The following ATP2B2 variants were observed in gnomAD, a reference collection of about 807,000 sequenced individuals.
ATP2B2 encodes ATPase plasma membrane Ca2+ transporting 2.
Under a neutral mutation model 120.0 loss-of-function variants are expected in ATP2B2, and 15 were observed. The observed-to-expected ratio is 0.12, with a 90% confidence interval of 0.08 to 0.19. The LOEUF (loss-of-function observed/expected upper bound fraction) is 0.19. Ranked by LOEUF, ATP2B2 falls within the 10% of genes least tolerant of loss-of-function variation. The pLI is 1.00. For missense variants in ATP2B2, 1,045 were observed against 1,719.8 expected, an observed-to-expected ratio of 0.61 and a Z score of 6.94; for synonymous variants, 694 against 700.3, an observed-to-expected ratio of 0.99 and a Z score of 0.14.
intron 8 of ATP2B2, among the ~76,000 whole-genome samples, chr3:10,383,048 C>CT (rs1289882858): frequency 2.7e-5 from 4 of 148,592 alleles, no homozygotes; most frequent in South Asian, 2.2e-4. Flanking sequence ...TTCTGCATTT[C>CT]TTTTTTTTTA....
intron 3 of ATP2B2, among the ~76,000 whole-genome samples, chr3:10,530,145 C>T (rs564573238): frequency 1.7e-4 from 26 of 152,134 alleles, no homozygotes; most frequent in Non-Finnish European, 2.8e-4. Flanking sequence ...TGAGAGCGAC[C>T]GACACAGTCC....
At chr3:10,558,594 C>G (rs1355331618) in intron 2 of ATP2B2, among the ~76,000 whole-genome samples, 1 of 152,076 alleles carries the variant, frequency 6.6e-6, no homozygotes, top group Admixed American at 6.6e-5. Context: ...TCCAGCTGTG[C>G]CTGAAGCCTG....
At chr3:10,547,623 G>A (rs2067579333) in intron 2 of ATP2B2, among the ~76,000 whole-genome samples, 1 of 152,182 alleles carries the variant, frequency 6.6e-6, no homozygotes, top group Non-Finnish European at 1.5e-5. Context: ...GGCCCAGAGA[G>A]GGAGAGAGAG....
intron 2 of ATP2B2, among the ~76,000 whole-genome samples, chr3:10,557,591 A>G (rs2067809314): frequency 1.3e-5 from 2 of 152,174 alleles, no homozygotes; most frequent in South Asian, 4.1e-4. Flanking sequence ...GGAACAGAGG[A>G]GAAACGGACT....
At chr3:10,357,844 CA>C (rs897264683) in intron 14 of ATP2B2, among the ~76,000 whole-genome samples, 184 of 152,324 alleles carry the variant, frequency 1.2e-3, no homozygotes, top group African/African-American at 4.3e-3. Context: ...AGATTCAGGA[CA>C]GCTTCCTCTG....
intron 2 of ATP2B2, among the ~76,000 whole-genome samples, chr3:10,551,239 A>T (rs1203550079): frequency 6.6e-6 from 1 of 152,256 alleles, no homozygotes; most frequent in Non-Finnish European, 1.5e-5. Flanking sequence ...GGACAGTTAG[A>T]GTACCTGATG....
At chr3:10,652,137 CCTT>C (rs2125667684) in intron 1 of ATP2B2, among the ~76,000 whole-genome samples, 1 of 152,192 alleles carries the variant, frequency 6.6e-6, no homozygotes, top group East Asian at 1.9e-4. Flanking sequence ...AATAAATAGG[CCTT>C]CTTCTGCCCA....
At position 10,422,922 on chromosome 3, in the gene ATP2B2, T is replaced by G. The variant is rs553708711; in HGVS notation, c.200-12107A>C. On this transcript the variant is annotated intron_variant, in intron 2 of 22. Coordinates refer to ENST00000360273, the MANE Select transcript of ATP2B2 (RefSeq NM_001001331.4). ...TCTCTCCACTGTGGGAATTCTTTAC[T>G]AAACTTCTCCACTCAGGGCTCCAGA... Among the ~76,000 whole-genome samples, 7 of 152,320 alleles carry G rather than the reference T, an allele frequency of 4.6e-5. No homozygotes were observed. In the South Asian group the frequency reaches 1.5e-3, roughly 32 times the overall value.
chr3:10,385,337 G>A lies in ATP2B2; in HGVS notation c.941-10C>T, dbSNP rs757539472. The A allele has an allele frequency of 1.2e-6, 2 of 1,613,154 alleles. No individual in the cohort carries two copies. Among genetic ancestry groups the A allele is most frequent in the Admixed American group, 1.7e-5 (1 of 59,996 alleles). On this transcript the variant is annotated splice_polypyrimidine_tract_variant and intron_variant, in intron 7 of 22. Coordinates refer to ENST00000360273, the MANE Select transcript of ATP2B2 (RefSeq NM_001001331.4). ...GCCGCACCGTCTGCTGCTGCAGGGG[G>A]GTGGGAGGGATGGAAAATGCAGTGT...
At chr3:10,484,591 A>G (rs1263705238) in intron 1 of ATP2B2, among the ~76,000 whole-genome samples, 1 of 151,756 alleles carries the variant, frequency 6.6e-6, no homozygotes, top group Non-Finnish European at 1.5e-5. Flanking sequence ...TTTTCACTCC[A>G]CTTGCCAGTG....
chr3:10,623,218 A>T (rs1400669189), intron 1 of ATP2B2, among the ~76,000 whole-genome samples: 2 of 151,748 alleles, frequency 1.3e-5, no homozygotes, highest in Non-Finnish European at 2.9e-5. Flanking sequence ...ACATACCACC[A>T]CACCCAGCTA....
At chr3:10,663,704 C>A (rs538644160) in intron 1 of ATP2B2, among the ~76,000 whole-genome samples, 65 of 152,246 alleles carry the variant, frequency 4.3e-4, no homozygotes, top group African/African-American at 1.4e-3. Context: ...GAGGGGAGTG[C>A]AGACAGCGGC....
chr3:10,612,752 A>G (rs11715815), intron 2 of ATP2B2, among the ~76,000 whole-genome samples: 60,146 of 152,120 alleles, frequency 0.4, 14,236 homozygotes, highest in Middle Eastern at 0.58. Context: ...GTTTTCCTGT[A>G]CCAAACCTAT....
intron 12 of ATP2B2, among the ~76,000 whole-genome samples, chr3:10,371,570 G>A (rs1406354639): frequency 1.3e-5 from 2 of 152,144 alleles, no homozygotes; most frequent in Non-Finnish European, 2.9e-5. Flanking sequence ...GGGGAGTGGG[G>A]GTTCAACGAC....
rs141687769 is a variant in ATP2B2 at position 10,387,361 on chromosome 3, CTG to C, written c.908-851_908-850del. Among the ~76,000 whole-genome samples, 459 of 152,344 alleles carry C rather than the reference CTG, an allele frequency of 3.0e-3. 4 individuals are homozygous for C. The highest frequency in any genetic ancestry group is 0.01 in the African/African-American group (435 of 41,592). Reference sequence around the variant, plus strand: ...CCTAAGCTCTGTGCCTGATTAGCCTCTGAGAGCTGGAGGGAGCAGGGCTGCCC... The same window carrying C: ...CCTAAGCTCTGTGCCTGATTAGCCTCAGAGCTGGAGGGAGCAGGGCTGCCC... On this transcript the variant is annotated intron_variant, in intron 6 of 22. Coordinates refer to ENST00000360273, the MANE Select transcript of ATP2B2 (RefSeq NM_001001331.4).
intron 1 of ATP2B2, among the ~76,000 whole-genome samples, chr3:10,691,317 T>A (rs2071658556): frequency 6.6e-6 from 1 of 152,226 alleles, no homozygotes; most frequent in Non-Finnish European, 1.5e-5. Flanking sequence ...TTCTGTGCCA[T>A]GAGTACGATG....
chr3:10,486,911 G>A (rs2065700854), intron 1 of ATP2B2, among the ~76,000 whole-genome samples: 1 of 151,942 alleles, frequency 6.6e-6, no homozygotes, highest in Non-Finnish European at 1.5e-5. Flanking sequence ...GTAGAGATGG[G>A]GTTTCATCTC....
intron 1 of ATP2B2, among the ~76,000 whole-genome samples, chr3:10,502,138 C>T (rs761077939): frequency 3.3e-5 from 5 of 152,324 alleles, no homozygotes; most frequent in Admixed American, 1.3e-4. Flanking sequence ...TTCTGACCTC[C>T]GATCTGCAAA....
chr3:10,701,147 C>A (rs1269929892), intron 1 of ATP2B2, among the ~76,000 whole-genome samples: 1 of 152,186 alleles, frequency 6.6e-6, no homozygotes, highest in Non-Finnish European at 1.5e-5. Context: ...ACAAGAAAGG[C>A]ACTGATTTGC....
Sources: gnomAD v4.1 joint callset for allele counts (sites outside exome capture counted in the v4.1 genomes callset) on GRCh38, gnomAD v4.1.1 for gene constraint, MANE v1.5 for transcripts, NCBI Gene and HGNC (gene_info 2026-07-23, HGNC 2026-07-21) for gene names.